PCDHA7: variants seen among roughly 807,000 people sequenced by gnomAD.
PCDHA7 encodes protocadherin alpha 7.
A neutral mutation model predicts 57.2 loss-of-function variants in PCDHA7; 37 were observed. The ratio of observed to expected loss-of-function variants is 0.65; its 90% confidence interval spans 0.50 to 0.85. The LOEUF (loss-of-function observed/expected upper bound fraction) is 0.85, where lower values mean the gene tolerates loss of function less well. Ranked by LOEUF, PCDHA7 falls within the 40% of genes least tolerant of loss-of-function variation. The pLI, the probability that PCDHA7 is intolerant of heterozygous loss-of-function variation, is 0.00. For synonymous variants in PCDHA7, 553 were observed against 558.8 expected (o/e 0.99, Z 0.15); for missense variants, 1,188 against 1,241.8 (o/e 0.96, Z 0.65).
intron 1 of PCDHA7, among the ~76,000 whole-genome samples, chr5:140,974,319 G>A (rs781949857): frequency 1.8e-4 from 27 of 152,198 alleles, no homozygotes; most frequent in Non-Finnish European, 3.5e-4. Flanking sequence ...TGAGAGAGTA[G>A]CTGCTGTGCT....
Position 140,978,973 on chromosome 5 carries a change from C to T in PCDHA7, c.2380C>T (p.Arg794Cys), listed in dbSNP as rs141879545. Residue 794 changes from arginine (R) to cysteine (C), a missense_variant, in exon 2 of 4, where the codon CGT becomes TGT. This residue lies in a region of PCDHA7 where 892 missense variants were observed against 788.5 expected (regional missense o/e 1.13). Transcript: ENST00000525929. ...GCCACGACAGCCCAACCCTGACTGG[C>T]GTTACTCTGCCTCCCTGAGAGCAGG... is the stretch of plus-strand genomic sequence containing the variant. ...DNPRQPNPDW[R>C]YSASLRAGMH... 1.5e-5 allele frequency: 24 copies of T among 1,614,060 alleles called. No individual in the cohort carries two copies. Among genetic ancestry groups the T allele is most frequent in the Middle Eastern group, 3.3e-4 (2 of 6,084 alleles).
Position 140,835,765 on chromosome 5 carries a change from C to T in PCDHA7, c.1382C>T (p.Thr461Met). Residue 461 changes from threonine (T) to methionine (M), a missense_variant, in exon 1 of 4, where the codon ACG becomes ATG. Around this residue, in one of 3 missense-constraint regions of PCDHA7, gnomAD observed 892 missense variants for 788.5 expected, o/e 1.13. Transcript: ENST00000525929. Reference protein sequence around the residue: ...NAPAFAQPEYTVFVKENNPPG... With the variant: ...NAPAFAQPEYMVFVKENNPPG... ...CCGGCGTTCGCGCAGCCCGAGTATA[C>T]GGTGTTCGTGAAGGAGAACAACCCG... 1.9e-6 allele frequency: 3 copies of T among 1,613,356 alleles called. No individual in the cohort carries two copies. The highest frequency in any genetic ancestry group is 2.5e-6 in the Non-Finnish European group (3 of 1,179,774).
At chr5:140,882,235 A>G (rs782339930) in intron 1 of PCDHA7, 9 of 1,580,864 alleles carry the variant, frequency 5.7e-6, no homozygotes, top group Admixed American at 1.8e-5. Flanking sequence ...CGTTGTATAT[A>G]TTGCAGATAG....
rs978053855 is a variant in PCDHA7 at position 141,009,492 on chromosome 5, A to T, written c.2504-135A>T. 4 of 1,478,558 alleles carry T rather than the reference A, an allele frequency of 2.7e-6. No individual in the cohort carries two copies. In the African/African-American group the frequency reaches 5.6e-5, roughly 21 times the overall value. The allele number at this position is 1,478,558 out of a possible 1,614,324, so 91.6% of individuals were successfully genotyped here. ...ATAAGTAAACACTTGCCTTGCCCTCAGACTTGAACAAACAACTCGTGATTT... is the reference window on the plus strand; with the variant it reads ...ATAAGTAAACACTTGCCTTGCCCTCTGACTTGAACAAACAACTCGTGATTT... On this transcript the variant is annotated intron_variant, in intron 3 of 3. Coordinates refer to ENST00000525929, the MANE Select transcript of PCDHA7 (RefSeq NM_018910.3).
At chr5:140,911,589 C>A (rs1583792136) in intron 1 of PCDHA7, among the ~76,000 whole-genome samples, 1 of 152,302 alleles carries the variant, frequency 6.6e-6, no homozygotes, top group Middle Eastern at 3.4e-3. Flanking sequence ...TTAGGAGGAA[C>A]CAACCAACTT....
chr5:140,841,818 C>T lies in PCDHA7; in HGVS notation c.2355+5080C>T, dbSNP rs2150323435. ...TCCGATGCAGATGTTGGAGCTAACT[C>T]CGTGTTAACCTACAGGCTTAGCTCT... On this transcript the variant is annotated intron_variant, in intron 1 of 3. Coordinates refer to ENST00000525929, the MANE Select transcript of PCDHA7 (RefSeq NM_018910.3). The T allele has an allele frequency of 1.9e-6, 3 of 1,613,912 alleles. No homozygotes were observed. In the South Asian group the frequency reaches 3.3e-5, roughly 18 times the overall value.
At chr5:140,875,830 G>T in intron 1 of PCDHA7, 1 of 1,614,226 alleles carries the variant, frequency 6.2e-7, no homozygotes, top group South Asian at 1.1e-5. Context: ...TTTCCATGTG[G>T]ACGTGGAGGT....
chr5:140,952,852 G>A (rs887887464), intron 1 of PCDHA7, among the ~76,000 whole-genome samples: 2 of 152,068 alleles, frequency 1.3e-5, no homozygotes, highest in Non-Finnish European at 2.9e-5. Context: ...TTGTCTTCTG[G>A]GGAGGCCTCA....
chr5:140,872,164 TC>T (rs1346109895), intron 1 of PCDHA7, among the ~76,000 whole-genome samples: 1 of 151,498 alleles, frequency 6.6e-6, no homozygotes, highest in Non-Finnish European at 1.5e-5. Context: ...GATTTACTTT[TC>T]TTTTTTTTTT....
chr5:140,966,546 C>T, intron 1 of PCDHA7: 1 of 466,228 alleles, frequency 2.1e-6, no homozygotes, highest in Non-Finnish European at 3.7e-6. Context: ...GACTCGGAGG[C>T]GAGCGGAGGA....
intron 1 of PCDHA7, among the ~76,000 whole-genome samples, chr5:140,900,150 C>T (rs265315): frequency 0.046 from 7,055 of 152,208 alleles, 291 homozygotes; most frequent in African/African-American, 0.11. Context: ...TAAGAACATA[C>T]GATATTTGTC....
In PCDHA7 at chr5:140,928,891, T is replaced by A. The variant is rs1299939193; in HGVS notation, c.2356-50058T>A. On this transcript the variant is annotated intron_variant, in intron 1 of 3. Coordinates refer to ENST00000525929, the MANE Select transcript of PCDHA7 (RefSeq NM_018910.3). ...CTCTGTCCCTCAGTTACTTCCAGAC[T>A]TTGAAGATGTCTGGGAACCAGGAGG... 1.2e-6 allele frequency: 2 copies of A among 1,614,066 alleles called. No individual in the cohort carries two copies. The highest frequency in any genetic ancestry group is 2.7e-5 in the African/African-American group (2 of 74,942).
At position 140,887,760 on chromosome 5, in the gene PCDHA7, A is replaced by AT. The variant is rs1233050056; in HGVS notation, c.2355+51023dup. On this transcript the variant is annotated intron_variant, in intron 1 of 3. Coordinates refer to ENST00000525929, the MANE Select transcript of PCDHA7 (RefSeq NM_018910.3). Reference sequence around the variant, plus strand: ...CCTTTCTGAGACTCCAGTAACACATATGTTACAATGACACAGGTCATTGAA... The same window carrying AT: ...CCTTTCTGAGACTCCAGTAACACATATTGTTACAATGACACAGGTCATTGAA... Among the ~76,000 whole-genome samples, 21 of 152,264 alleles carry AT rather than the reference A, an allele frequency of 1.4e-4. No individual in the cohort carries two copies. In the East Asian group the frequency reaches 4.1e-3, roughly 29 times the overall value.
chr5:140,903,768 T>C (rs1211667697), intron 1 of PCDHA7, among the ~76,000 whole-genome samples: 1 of 152,212 alleles, frequency 6.6e-6, no homozygotes, highest in Non-Finnish European at 1.5e-5. Flanking sequence ...TGCTGAACTT[T>C]TCTATCCATA....
chr5:140,850,583 C>T, intron 1 of PCDHA7: 2 of 1,598,412 alleles, frequency 1.3e-6, no homozygotes, highest in South Asian at 1.1e-5. Context: ...TGGTGGATGT[C>T]AACGTGTACC....
intron 1 of PCDHA7, chr5:140,860,925 G>A (rs2046658234): frequency 6.6e-6 from 1 of 152,286 alleles, no homozygotes; most frequent in Non-Finnish European, 1.5e-5. Context: ...TTTTAGTAGA[G>A]ACGAGGTTTC....
At chr5:140,846,534 C>T (rs1554141358) in intron 1 of PCDHA7, among the ~76,000 whole-genome samples, 2 of 148,222 alleles carry the variant, frequency 1.3e-5, no homozygotes, top group African/African-American at 4.9e-5. Context: ...GCCACCATGC[C>T]CTGCTAATTT....
chr5:140,926,424 G>A (rs894649962), intron 1 of PCDHA7: 2 of 153,468 alleles, frequency 1.3e-5, no homozygotes, highest in African/African-American at 4.8e-5. Context: ...AGAGGATGTG[G>A]AGGTTAAGAT....
intron 1 of PCDHA7, among the ~76,000 whole-genome samples, chr5:140,924,894 C>CAAAAAAA (rs782133089): frequency 2.8e-5 from 2 of 71,470 alleles, no homozygotes; most frequent in African/African-American, 8.5e-5. Flanking sequence ...GAACCTGTCT[C>CAAAAAAA]AAAAAAAAAA....
Sources: allele counts gnomAD v4.1 joint callset (sites outside exome capture counted in the v4.1 genomes callset), GRCh38; gene constraint gnomAD v4.1.1; regional missense constraint gnomAD v4.1.1; transcripts MANE v1.5; gene names NCBI Gene and HGNC (gene_info 2026-07-23, HGNC 2026-07-21).